CNIH3: variants seen among roughly 807,000 people sequenced by gnomAD.
CNIH3 encodes the protein protein cornichon homolog 3.
CNIH3 carries 14 observed loss-of-function variants against 24.1 expected under a neutral mutation model. The observed-to-expected ratio is 0.58, with a 90% CI of 0.38 to 0.91. The LOEUF is 0.91. Ranked by LOEUF, CNIH3 falls within the 40% of genes least tolerant of loss-of-function variation. The pLI, the probability that CNIH3 is intolerant of heterozygous loss-of-function variation, is 0.00. For synonymous variants in CNIH3, 68 were observed against 73.8 expected (o/e 0.92, Z 0.40); for missense variants, 178 against 196.8 (o/e 0.90, Z 0.57).
chr1:224,528,687 T>C (rs987097833), intron 2 of CNIH3, among the ~76,000 whole-genome samples: 4 of 152,192 alleles, frequency 2.6e-5, no homozygotes, highest in African/African-American at 9.7e-5. Context: ...TTTCTTCCTT[T>C]GTATTTTCAA....
intron 4 of CNIH3, among the ~76,000 whole-genome samples, chr1:224,581,059 T>G (rs1681255742): frequency 1.3e-5 from 2 of 152,182 alleles, no homozygotes; most frequent in Admixed American, 1.3e-4. Context: ...GCTCTCAGTT[T>G]AGGAACAAAA....
intron 1 of CNIH3, among the ~76,000 whole-genome samples, chr1:224,651,624 C>T (rs1222477119): frequency 2.0e-5 from 3 of 152,174 alleles, no homozygotes. Flanking sequence ...CTGCATCTTG[C>T]TTTTCTCACT....
At chr1:224,572,431 G>A (rs942443165) in intron 4 of CNIH3, among the ~76,000 whole-genome samples, 1 of 151,430 alleles carries the variant, frequency 6.6e-6, no homozygotes, top group Non-Finnish European at 1.5e-5. Context: ...GATGAGAATC[G>A]CTTGAATCTG....
intron 3 of CNIH3, among the ~76,000 whole-genome samples, chr1:224,600,832 C>T (rs1224869333): frequency 6.6e-6 from 1 of 152,208 alleles, no homozygotes; most frequent in African/African-American, 2.4e-5. Flanking sequence ...TCTGATAGAA[C>T]TCCTGTCCTT....
At chr1:224,737,149 C>G (rs993609375) in intron 5 of CNIH3, among the ~76,000 whole-genome samples, 1 of 135,346 alleles carries the variant, frequency 7.4e-6, no homozygotes, top group East Asian at 2.4e-4. Context: ...CTGCTGGAGC[C>G]GAGGCGTCGC....
chr1:224,517,565 G>C (rs541885607), intron 1 of CNIH3, among the ~76,000 whole-genome samples: 1 of 152,118 alleles, frequency 6.6e-6, no homozygotes, highest in Admixed American at 6.5e-5. Context: ...CTGAGATTTT[G>C]ATGCACCCAT....
chr1:224,579,671 G>A (rs1042537885), intron 4 of CNIH3, among the ~76,000 whole-genome samples: 1 of 152,178 alleles, frequency 6.6e-6, no homozygotes, highest in Non-Finnish European at 1.5e-5. Context: ...CTCAGGAAGG[G>A]ATTGGTGTCG....
intron 2 of CNIH3, chr1:224,546,719 G>C (rs1679718052): frequency 1.1e-5 from 2 of 175,870 alleles, no homozygotes; most frequent in African/African-American, 2.4e-5. Context: ...CATGCCTTCT[G>C]TGAGTTGTCA....
At chr1:224,586,778 T>A (rs1251839252) in intron 5 of CNIH3, among the ~76,000 whole-genome samples, 1 of 152,130 alleles carries the variant, frequency 6.6e-6, no homozygotes, top group Non-Finnish European at 1.5e-5. Flanking sequence ...CAATGACTGG[T>A]GTCCTTATAA....
At chr1:224,548,980 C>A (rs1679811101) in intron 3 of CNIH3, among the ~76,000 whole-genome samples, 1 of 151,502 alleles carries the variant, frequency 6.6e-6, no homozygotes. Context: ...CATAGCATCA[C>A]AGTGTGTGTA....
At chr1:224,520,500 A>T (rs1188614779) in intron 1 of CNIH3, among the ~76,000 whole-genome samples, 6 of 152,240 alleles carry the variant, frequency 3.9e-5, no homozygotes, top group African/African-American at 1.4e-4. Context: ...CAACTAGTTC[A>T]CATAGAGATA....
chr1:224,502,715 T>C (rs898732220), intron 1 of CNIH3, among the ~76,000 whole-genome samples: 2 of 152,248 alleles, frequency 1.3e-5, no homozygotes, highest in Non-Finnish European at 2.9e-5. Flanking sequence ...CTGAAAAGAC[T>C]GTCCCCTTTT....
intron 3 of CNIH3, among the ~76,000 whole-genome samples, chr1:224,706,374 A>G (rs1408938368): frequency 6.6e-6 from 1 of 152,120 alleles, no homozygotes; most frequent in Non-Finnish European, 1.5e-5. Flanking sequence ...ATTACAGGCA[A>G]TGACGCACAT....
intron 1 of CNIH3, among the ~76,000 whole-genome samples, chr1:224,656,739 T>C (rs1238930325): frequency 1.3e-5 from 2 of 152,232 alleles, no homozygotes; most frequent in African/African-American, 4.8e-5. Flanking sequence ...TCAACCAGAC[T>C]GGATCCTCCA....
intron 1 of CNIH3, among the ~76,000 whole-genome samples, chr1:224,482,229 C>T (rs1676844121): frequency 6.6e-6 from 1 of 152,100 alleles, no homozygotes; most frequent in African/African-American, 2.4e-5. Flanking sequence ...GGTGCTCTTC[C>T]CCACTGTAGC....
rs143668591 is a variant in CNIH3 at position 224,669,832 on chromosome 1, G to A, written c.82-11126G>A. On this transcript the variant is annotated intron_variant, in intron 1 of 5. Transcript: ENST00000272133. ...GACACCGAGGCTTGGAGGGGGTTAAGCACCTTGCCCATAGTCACACAAACA... is the reference window on the plus strand; with the variant it reads ...GACACCGAGGCTTGGAGGGGGTTAAACACCTTGCCCATAGTCACACAAACA... 2.5e-3 allele frequency among the ~76,000 whole-genome samples: 381 copies of A among 152,284 alleles called. 2 individuals are homozygous for A. Among genetic ancestry groups the A allele is most frequent in the African/African-American group, 8.3e-3 (343 of 41,552 alleles).
At chr1:224,663,388 A>G (rs1304846878) in intron 1 of CNIH3, among the ~76,000 whole-genome samples, 1 of 152,136 alleles carries the variant, frequency 6.6e-6, no homozygotes, top group Non-Finnish European at 1.5e-5. Context: ...CCAATACACA[A>G]TCCAACTGCA....
intron 3 of CNIH3, among the ~76,000 whole-genome samples, chr1:224,688,839 C>T (rs747719523): frequency 3.5e-4 from 52 of 150,676 alleles, no homozygotes; most frequent in African/African-American, 5.1e-4. Flanking sequence ...GCAGGAGAAT[C>T]GCTTGAACCC....
chr1:224,715,328 C>T (rs1688370885), intron 3 of CNIH3, among the ~76,000 whole-genome samples: 1 of 152,136 alleles, frequency 6.6e-6, no homozygotes. Flanking sequence ...GTGCTGCTTT[C>T]GCTACTCATT....
Sources: allele counts gnomAD v4.1 joint callset (sites outside exome capture counted in the v4.1 genomes callset), GRCh38; gene constraint gnomAD v4.1.1; transcripts MANE v1.5; gene names NCBI Gene and HGNC (gene_info 2026-07-23, HGNC 2026-07-21).